The following TMEM232 variants were observed in gnomAD, a reference collection of about 807,000 sequenced individuals.
The protein encoded by TMEM232 is transmembrane protein 232.
In TMEM232, 80 loss-of-function variants were observed where a neutral mutation model predicts 78.8. That is an observed-to-expected ratio of 1.01 (90% CI 0.85 to 1.22). TMEM232 has a LOEUF of 1.22. Among genes scored for constraint, TMEM232 ranks in the 50% most tolerant of loss-of-function variants. The pLI is 0.00. For synonymous variants in TMEM232, 297 were observed against 254.3 expected (o/e 1.17, Z -1.60); for missense variants, 881 against 742.2 (o/e 1.19, Z -2.17).
intron 12 of TMEM232, among the ~76,000 whole-genome samples, chr5:110,488,351 T>C (rs756479305): frequency 6.6e-6 from 1 of 151,970 alleles, no homozygotes; most frequent in Non-Finnish European, 1.5e-5. Context: ...CAGGCTACAA[T>C]ACATTTAAAA....
intron 1 of TMEM232, among the ~76,000 whole-genome samples, chr5:110,700,604 T>C (rs1795309725): frequency 6.6e-6 from 1 of 151,852 alleles, no homozygotes; most frequent in East Asian, 1.9e-4. Context: ...TGAAGAAAGA[T>C]TGCAAAAAGT....
intron 5 of TMEM232, among the ~76,000 whole-genome samples, chr5:110,637,971 T>C (rs916872768): frequency 6.6e-6 from 1 of 152,232 alleles, no homozygotes; most frequent in South Asian, 2.1e-4. Flanking sequence ...TTTAATGAAA[T>C]GTTATTTTCT....
At chr5:110,494,316 G>C (rs1274769919) in intron 12 of TMEM232, among the ~76,000 whole-genome samples, 3 of 151,928 alleles carry the variant, frequency 2.0e-5, no homozygotes, top group Admixed American at 6.6e-5. Flanking sequence ...CAAATGAAAA[G>C]AATAGATATT....
intron 10 of TMEM232, among the ~76,000 whole-genome samples, chr5:110,595,009 C>A (rs1177300777): frequency 6.6e-6 from 1 of 152,166 alleles, no homozygotes; most frequent in Non-Finnish European, 1.5e-5. Context: ...CAACAGACAC[C>A]TCACACAGGA....
intron 11 of TMEM232, among the ~76,000 whole-genome samples, chr5:110,556,361 C>CCCTTCCCT (rs1561682600): frequency 0.021 from 2,825 of 132,972 alleles, 71 homozygotes; most frequent in African/African-American, 0.059. Flanking sequence ...TTCCCTTCCC[C>CCCTTCCCT]TTCCTTCCTT....
chr5:110,721,757 T>C (rs1797669490), intron 1 of TMEM232, among the ~76,000 whole-genome samples: 1 of 146,910 alleles, frequency 6.8e-6, no homozygotes, highest in Admixed American at 6.9e-5. Context: ...CAGCTCCATT[T>C]TTACCTGTTT....
intron 12 of TMEM232, among the ~76,000 whole-genome samples, chr5:110,503,609 T>C (rs895968828): frequency 3.3e-5 from 5 of 152,282 alleles, no homozygotes; most frequent in Non-Finnish European, 7.4e-5. Context: ...GATTCCACTT[T>C]TCATCCAGAT....
At chr5:110,501,925 C>T (rs572380803) in intron 12 of TMEM232, among the ~76,000 whole-genome samples, 3 of 151,656 alleles carry the variant, frequency 2.0e-5, no homozygotes, top group South Asian at 4.2e-4. Flanking sequence ...TTAGTTTTGC[C>T]GAGTTTTTAA....
Position 110,420,670 on chromosome 5 carries a change from A to G in TMEM232, c.1884T>C (p.Asn628=), listed in dbSNP as rs1207593259. 1.3e-6 allele frequency: 2 copies of G among 1,525,278 alleles called. No homozygotes were observed. The highest frequency in any genetic ancestry group is 1.7e-6 in the Non-Finnish European group (2 of 1,143,234). The allele number at this position is 1,525,278 out of a possible 1,614,324, so 94.5% of individuals were successfully genotyped here. A position where few individuals can be genotyped will look rare whatever the true frequency, so the allele number is the denominator to read the frequency against. ...ELKDKKLAEK[N]HFQEVMKKRE... is the part of the protein sequence containing the mutation. The stretch of plus-strand genomic sequence containing the variant: ...TTTTCTTCATAACTTCTTGAAAGTG[A>G]TTTTTCTCTGCTAACTTTTTATCTT... The change falls in exon 14 of 14, where the codon AAT becomes AAC. Residue 628 remains asparagine (N), a synonymous_variant. Transcript: ENST00000455884.
chr5:110,576,264 G>T (rs1031453879), intron 10 of TMEM232, among the ~76,000 whole-genome samples: 2 of 151,814 alleles, frequency 1.3e-5, no homozygotes, highest in Non-Finnish European at 2.9e-5. Flanking sequence ...GGCCAAATTT[G>T]GAATGAACTC....
chr5:110,524,363 A>AAAGAAAG (rs1296115700), intron 12 of TMEM232, among the ~76,000 whole-genome samples: 2 of 120,390 alleles, frequency 1.7e-5, no homozygotes, highest in South Asian at 2.8e-4. Context: ...AAGAAAGAAA[A>AAAGAAAG]AAAGAAAGAA....
At chr5:110,738,886 C>T, upstream of TMEM232, 1 of 1,083,642 alleles carries the variant, frequency 9.2e-7, no homozygotes, top group African/African-American at 1.6e-5. Context: ...CGACAACAAA[C>T]TTTTAAGGTC....
chr5:110,560,241 C>G (rs992262672), intron 11 of TMEM232, among the ~76,000 whole-genome samples: 2 of 152,062 alleles, frequency 1.3e-5, no homozygotes, highest in Non-Finnish European at 2.9e-5. Flanking sequence ...CAGTCATTCT[C>G]CTCTTCCATA....
At chr5:110,472,272 T>C (rs1015508230) in intron 12 of TMEM232, among the ~76,000 whole-genome samples, 8 of 151,634 alleles carry the variant, frequency 5.3e-5, no homozygotes, top group African/African-American at 1.9e-4. Flanking sequence ...GAAAAAGAAA[T>C]AAAAGCAAAC....
Position 110,433,194 on chromosome 5 carries a change from A to C in TMEM232, c.1704-8278T>G, listed in dbSNP as rs190558312. On this transcript the variant is annotated intron_variant, in intron 12 of 13. Transcript: ENST00000455884. ...CAGAATAGACATGCTTCTGATCTGC[A>C]TATGGAACATACTCTAAGACTGACC... is the stretch of plus-strand genomic sequence containing the variant. Among the ~76,000 whole-genome samples the C allele has an allele frequency of 1.9e-3, 284 of 151,952 alleles. 1 individual carries two copies. Among genetic ancestry groups the C allele is most frequent in the Admixed American group, 4.2e-3 (64 of 15,202 alleles).
chr5:110,463,956 T>C (rs1217226614), intron 12 of TMEM232, among the ~76,000 whole-genome samples: 7 of 152,226 alleles, frequency 4.6e-5, no homozygotes, highest in Non-Finnish European at 1.0e-4. Flanking sequence ...TGCCTCCTAT[T>C]TGAAATACTC....
intron 11 of TMEM232, among the ~76,000 whole-genome samples, chr5:110,543,321 A>C (rs1773394320): frequency 6.6e-6 from 1 of 152,130 alleles, no homozygotes; most frequent in South Asian, 2.1e-4. Context: ...AGCCCAGGTA[A>C]ATTTCTATCC....
intron 10 of TMEM232, among the ~76,000 whole-genome samples, chr5:110,603,971 A>G (rs1041769786): frequency 1.1e-4 from 17 of 152,168 alleles, no homozygotes; most frequent in African/African-American, 4.1e-4. Context: ...GCTAAAGACA[A>G]TATCTTACTT....
intron 2 of TMEM232, among the ~76,000 whole-genome samples, chr5:110,731,851 T>G (rs1798707821): frequency 6.6e-6 from 1 of 152,238 alleles, no homozygotes; most frequent in South Asian, 2.1e-4. Context: ...CTATGCAAAT[T>G]TCTGTGGCCA....
Sources: allele counts gnomAD v4.1 joint callset (sites outside exome capture counted in the v4.1 genomes callset), GRCh38; gene constraint gnomAD v4.1.1; transcripts MANE v1.5; gene names NCBI Gene and HGNC (gene_info 2026-07-23, HGNC 2026-07-21).